Variants in ZMYM4 observed in about 807,000 individuals in gnomAD.
ZMYM4 encodes the protein zinc finger MYM-type protein 4.
ZMYM4 carries 31 observed loss-of-function variants against 183.2 expected under a neutral mutation model. The ratio of observed to expected loss-of-function variants is 0.17; its 90% CI spans 0.13 to 0.23. The LOEUF is 0.23. ZMYM4 is among the 10% of genes least tolerant of loss of function. The pLI is 1.00. For missense variants in ZMYM4, 1,273 were observed against 1,840.3 expected, an observed-to-expected ratio of 0.69 and a Z score of 5.64; for synonymous variants, 592 against 631.2, an observed-to-expected ratio of 0.94 and a Z score of 0.93.
At chr1:35,402,546 G>T (rs1194844639) in intron 23 of ZMYM4, among the ~76,000 whole-genome samples, 2 of 152,026 alleles carry the variant, frequency 1.3e-5, no homozygotes, top group Admixed American at 1.3e-4. Flanking sequence ...GAGCCTAGGG[G>T]GGGTCGAGGC....
Position 35,407,884 on chromosome 1 carries a change from C to G in ZMYM4, c.3797-124C>G, listed in dbSNP as rs546810024. The G allele has an allele frequency of 2.3e-5, 28 of 1,202,834 alleles. No individual in the cohort carries two copies. In the African/African-American group the frequency reaches 4.1e-4, roughly 18 times the overall value. The allele number at this position is 1,202,834 out of a possible 1,614,324, so 74.5% of individuals were successfully genotyped here. On this transcript the variant is annotated intron_variant, in intron 25 of 29. Coordinates refer to ENST00000314607, the MANE Select transcript of ZMYM4 (RefSeq NM_005095.3). ...CTTGAGATCAGAATCTGTCTTTAAT[C>G]CATATACCCACTAGTCTGCACCGCA...
intron 1 of ZMYM4, among the ~76,000 whole-genome samples, chr1:35,321,755 A>G (rs905271741): frequency 6.6e-6 from 1 of 152,132 alleles, no homozygotes; most frequent in Non-Finnish European, 1.5e-5. Flanking sequence ...TAAACTGGGC[A>G]TGGTGGTGTG....
At chr1:35,297,102 G>A (rs1440884095) in intron 1 of ZMYM4, among the ~76,000 whole-genome samples, 2 of 151,794 alleles carry the variant, frequency 1.3e-5, no homozygotes, top group Admixed American at 6.6e-5. Flanking sequence ...CACCTGCCCT[G>A]GCCTTCCAAA....
At chr1:35,348,271 T>C (rs889109868) in intron 2 of ZMYM4, among the ~76,000 whole-genome samples, 5 of 152,348 alleles carry the variant, frequency 3.3e-5, no homozygotes, top group African/African-American at 9.6e-5. Context: ...AGCTATAAAA[T>C]CAGATTGATC....
intron 16 of ZMYM4, 121 bp downstream of exon 16, chr1:35,392,473 C>A: frequency 7.3e-7 from 1 of 1,363,688 alleles, no homozygotes; most frequent in Non-Finnish European, 1.0e-6. Flanking sequence ...GGAATAGTGG[C>A]TTGCTGCACA....
At chr1:35,380,242 C>T (rs145862377) in intron 7 of ZMYM4, among the ~76,000 whole-genome samples, 3 of 152,138 alleles carry the variant, frequency 2.0e-5, no homozygotes, top group Non-Finnish European at 2.9e-5. Context: ...TGGATGTATA[C>T]TCATGGGAGA....
rs187030699 is a variant in ZMYM4 at position 35,303,596 on chromosome 1, G to A, written c.40-21764G>A. ...AATGTTTGGATTTTTAGTAGAGACA[G>A]GGCTTTGCCATGTTGGCCAGGCTGG... is the stretch of plus-strand genomic sequence containing the variant. On this transcript the variant is annotated intron_variant, in intron 1 of 29. Transcript: ENST00000314607. 7.9e-5 allele frequency among the ~76,000 whole-genome samples: 12 copies of A among 152,214 alleles called. 2 individuals carry two copies. Among genetic ancestry groups the A allele is most frequent in the African/African-American group, 2.4e-4 (10 of 41,550 alleles).
intron 12 of ZMYM4, 34 bp downstream of exon 12, chr1:35,387,312 G>A: frequency 6.2e-7 from 1 of 1,600,586 alleles, no homozygotes; most frequent in Non-Finnish European, 8.5e-7. Context: ...AAGATTTTGA[G>A]TATACGTGGG....
intron 1 of ZMYM4, among the ~76,000 whole-genome samples, chr1:35,295,387 G>A (rs1351592045): frequency 1.3e-5 from 2 of 152,204 alleles, no homozygotes; most frequent in East Asian, 3.9e-4. Context: ...CAAAGAGGCA[G>A]CATAGAGGCA....
In ZMYM4 at chr1:35,421,356, T is replaced by C. The variant is rs1010676775; in HGVS notation, c.*1679T>C. On this transcript the variant is annotated 3_prime_UTR_variant, in exon 30 of 30. Coordinates refer to ENST00000314607, the MANE Select transcript of ZMYM4 (RefSeq NM_005095.3). ...ATTAATTCCATCTGTGTTTGTCATT[T>C]CTGACTGGAAAACTTCTTACTCCAT... 4 of 152,648 alleles carry C rather than the reference T, an allele frequency of 2.6e-5. No individual in the cohort carries two copies. The highest frequency in any genetic ancestry group is 9.6e-5 in the African/African-American group (4 of 41,458). 9.5% of individuals were successfully genotyped at this position (152,648 alleles called of 1,614,324 possible).
chr1:35,376,775 C>T (rs1644343408), intron 7 of ZMYM4, among the ~76,000 whole-genome samples: 1 of 152,176 alleles, frequency 6.6e-6, no homozygotes, highest in African/African-American at 2.4e-5. Context: ...ATCTGCCCAC[C>T]TCGGCCTCCC....
chr1:35,325,669 A>AC (rs1642474983), intron 2 of ZMYM4, among the ~76,000 whole-genome samples: 1 of 152,108 alleles, frequency 6.6e-6, no homozygotes, highest in Admixed American at 6.5e-5. Context: ...ATGGAAGATT[A>AC]TACTTACCAC....
Position 35,408,173 on chromosome 1 carries a change from C to T in ZMYM4, c.3948+14C>T. 6.2e-7 allele frequency: 1 copy of T among 1,613,760 alleles called. No homozygotes were observed. Among genetic ancestry groups the T allele is most frequent in the Non-Finnish European group, 8.5e-7 (1 of 1,179,730 alleles). On this transcript the variant is annotated intron_variant, in intron 26 of 29. Coordinates refer to ENST00000314607, the MANE Select transcript of ZMYM4 (RefSeq NM_005095.3). ...GGAATTCAACAGGTATCAAGTTAAA[C>T]ATATGGATTCTTCAACCTAGCAAAT...
chr1:35,390,148 C>A, intron 15 of ZMYM4, 50 bp downstream of exon 15: 1 of 1,564,122 alleles, frequency 6.4e-7, no homozygotes, highest in South Asian at 1.2e-5. Context: ...ATACTAGGAA[C>A]TACTGTTCTT....
At chr1:35,337,540 G>A (rs1290294879) in intron 2 of ZMYM4, among the ~76,000 whole-genome samples, 1 of 152,142 alleles carries the variant, frequency 6.6e-6, no homozygotes, top group African/African-American at 2.4e-5. Context: ...GGTCTCTAGG[G>A]CAGAGGTTGG....
intron 18 of ZMYM4, 107 bp downstream of exon 18, chr1:35,393,846 T>C: frequency 7.8e-7 from 1 of 1,282,234 alleles, no homozygotes. Context: ...TTTGGTTGTT[T>C]GTATACATTG....
At chr1:35,323,109 C>G (rs932751471) in intron 1 of ZMYM4, among the ~76,000 whole-genome samples, 1 of 152,080 alleles carries the variant, frequency 6.6e-6, no homozygotes, top group African/African-American at 2.4e-5. Flanking sequence ...AAGTGATTCT[C>G]CTGCCTCGCA....
intron 2 of ZMYM4, among the ~76,000 whole-genome samples, chr1:35,326,999 A>G (rs1393511658): frequency 6.6e-6 from 1 of 152,126 alleles, no homozygotes; most frequent in Non-Finnish European, 1.5e-5. Context: ...CACTGGGACT[A>G]CAGGCACACG....
intron 19 of ZMYM4, 30 bp from the exon 20 acceptor site, chr1:35,397,347 A>C: frequency 6.7e-7 from 1 of 1,495,908 alleles, no homozygotes; most frequent in Non-Finnish European, 8.9e-7. Context: ...GTTGCCAAAG[A>C]AAGCCTTCAG....
Sources: gnomAD v4.1 joint callset for allele counts (sites outside exome capture counted in the v4.1 genomes callset) on GRCh38, gnomAD v4.1.1 for gene constraint, MANE v1.5 for transcripts, NCBI Gene and HGNC (gene_info 2026-07-23, HGNC 2026-07-21) for gene names.